The following HECW1 variants were observed in gnomAD, a reference collection of about 807,000 sequenced individuals.
HECW1 encodes HECT, C2 and WW domain containing E3 ubiquitin protein ligase 1.
A neutral mutation model predicts 182.3 loss-of-function variants in HECW1; 61 were observed. That is an observed-to-expected ratio of 0.33 (90% CI 0.27 to 0.41). The LOEUF (loss-of-function observed/expected upper bound fraction) is 0.41. Among genes scored for constraint, HECW1 ranks in the 10% least tolerant of loss-of-function variants. The pLI, the probability that HECW1 is intolerant of heterozygous loss-of-function variation, is 1.00. For synonymous variants in HECW1, 859 were observed against 832.6 expected (o/e 1.03, Z -0.55); for missense variants, 1,739 against 2,108.9 (o/e 0.82, Z 3.44).
In HECW1 at chr7:43,206,554, C is replaced by T. The variant is rs114597662; in HGVS notation, c.-31-37321C>T. Among the ~76,000 whole-genome samples, 586 of 152,210 alleles carry T rather than the reference C, an allele frequency of 3.8e-3. 2 individuals are homozygous for T. Among genetic ancestry groups the T allele is most frequent in the African/African-American group, 0.014 (562 of 41,532 alleles). ...TGGTTAACTTTCATTTTTTAAGAGG[C>T]GTAATTAACTTTATGAACACTGAAG... On this transcript the variant is annotated intron_variant, in intron 2 of 29. Transcript: ENST00000395891.
At chr7:43,377,364 A>C (rs1039037023) in intron 6 of HECW1, among the ~76,000 whole-genome samples, 3 of 152,170 alleles carry the variant, frequency 2.0e-5, no homozygotes, top group African/African-American at 7.2e-5. Flanking sequence ...GACTAACCCA[A>C]GGAGCAAAGC....
At chr7:43,525,525 C>T (rs973138075) in intron 24 of HECW1, among the ~76,000 whole-genome samples, 5 of 151,940 alleles carry the variant, frequency 3.3e-5, no homozygotes, top group African/African-American at 1.2e-4. Context: ...AGGGGTGGGC[C>T]CATTGTAAAC....
intron 29 of HECW1, 145 bp from the exon 30 acceptor site, chr7:43,561,670 A>G: frequency 5.0e-6 from 3 of 596,052 alleles, no homozygotes; most frequent in Non-Finnish European, 9.1e-6. Flanking sequence ...GTGGCTCTTT[A>G]GTGTGCAATG....
chr7:43,166,925 C>T (rs149820517), intron 2 of HECW1, among the ~76,000 whole-genome samples: 25 of 152,306 alleles, frequency 1.6e-4, no homozygotes, highest in African/African-American at 4.6e-4. Flanking sequence ...TGGATGACCC[C>T]GTGTGCCAGG....
chr7:43,496,193 T>C (rs893041438), intron 19 of HECW1, among the ~76,000 whole-genome samples: 1 of 150,764 alleles, frequency 6.6e-6, no homozygotes, highest in Non-Finnish European at 1.5e-5. Flanking sequence ...AACTTGGAAA[T>C]TATCTAGTAT....
chr7:43,401,815 C>T (rs564506559), intron 7 of HECW1, among the ~76,000 whole-genome samples: 12 of 151,924 alleles, frequency 7.9e-5, no homozygotes, highest in Admixed American at 4.6e-4. Context: ...TGGGAACAGG[C>T]GTTCCTGTTT....
chr7:43,476,467 CA>C lies in HECW1; in HGVS notation c.3100-3139del, dbSNP rs199872424. On this transcript the variant is annotated intron_variant, in intron 16 of 29. Coordinates refer to ENST00000395891, the MANE Select transcript of HECW1 (RefSeq NM_015052.5). ...TTTGCAGTCTCAAAGTGATTCTAAA[CA>C]AAATCCCAATAGAACTATTTTTGGA... 5.5e-4 allele frequency among the ~76,000 whole-genome samples: 84 copies of C among 152,142 alleles called. 2 individuals carry two copies. The East Asian group carries it at 0.012, about 22-fold the overall frequency.
Position 43,444,584 on chromosome 7 carries a change from T to A in HECW1, c.1412T>A (p.Leu471Gln). 6.2e-7 allele frequency: 1 copy of A among 1,611,066 alleles called. No individual in the cohort carries two copies. Among genetic ancestry groups the A allele is most frequent in the Non-Finnish European group, 8.5e-7 (1 of 1,178,888 alleles). Residue 471 changes from leucine to glutamine, a missense_variant, in exon 11 of 30, where the codon CTG (leucine) becomes CAG (glutamine). Around this residue, in one of 5 missense-constraint regions of HECW1, gnomAD observed 971 missense variants for 1,029.1 expected, o/e 0.94. Coordinates refer to ENST00000395891, the MANE Select transcript of HECW1 (RefSeq NM_015052.5). The surrounding 1 kb of genome is among the most constrained non-coding windows in gnomAD (Gnocchi z 4.3). ...QLDLGEEASA[L>Q]LLEDGEAPAS... ...GACCTGGGTGAGGAGGCATCAGCAC[T>A]GCTGCTGGAAGACGGTGAAGCCCCA...
intron 24 of HECW1, among the ~76,000 whole-genome samples, chr7:43,516,283 G>A (rs905560363): frequency 6.6e-6 from 1 of 152,192 alleles, no homozygotes; most frequent in Non-Finnish European, 1.5e-5. Context: ...GAGGGAAGAA[G>A]ACAGGCTGGA....
intron 3 of HECW1, among the ~76,000 whole-genome samples, chr7:43,272,969 C>T (rs927579998): frequency 2.6e-5 from 4 of 152,164 alleles, no homozygotes; most frequent in Non-Finnish European, 4.4e-5. Flanking sequence ...TACATATACA[C>T]CATGGAATAC....
chr7:43,488,480 G>GAGAAAGAAAGAAAGAAAAGA (rs2078795424), intron 17 of HECW1, among the ~76,000 whole-genome samples: 5 of 147,670 alleles, frequency 3.4e-5, no homozygotes, highest in African/African-American at 1.3e-4. Flanking sequence ...AAGAAAGAAA[G>GAGAAAGAAAGAAAGAAAAGA]AAAGAAAGAG....
chr7:43,276,190 G>A (rs1356063902), intron 3 of HECW1, among the ~76,000 whole-genome samples: 2 of 152,088 alleles, frequency 1.3e-5, no homozygotes, highest in Admixed American at 6.5e-5. Flanking sequence ...ACTATGCCAG[G>A]GACAGTTTAT....
At chr7:43,204,441 G>A (rs539396718) in intron 2 of HECW1, among the ~76,000 whole-genome samples, 2 of 152,238 alleles carry the variant, frequency 1.3e-5, no homozygotes, top group Non-Finnish European at 2.9e-5. Flanking sequence ...CTATCAGAGT[G>A]CAAATCAAGT....
At chr7:43,481,168 A>C (rs1250235899) in intron 17 of HECW1, among the ~76,000 whole-genome samples, 1 of 152,208 alleles carries the variant, frequency 6.6e-6, no homozygotes, top group Non-Finnish European at 1.5e-5. Flanking sequence ...AGACGTGTTC[A>C]CAGACTACAG....
At chr7:43,266,051 T>C (rs1319055174) in intron 3 of HECW1, among the ~76,000 whole-genome samples, 1 of 152,150 alleles carries the variant, frequency 6.6e-6, no homozygotes, top group East Asian at 1.9e-4. Flanking sequence ...TTTAGGGTTT[T>C]TTATGGAGGC....
chr7:43,403,791 AAG>A (rs1187392270), intron 7 of HECW1, among the ~76,000 whole-genome samples: 2 of 152,212 alleles, frequency 1.3e-5, no homozygotes, highest in Non-Finnish European at 2.9e-5. Flanking sequence ...AGGTTTGGCA[AAG>A]GTTGCCACTG....
At chr7:43,493,058 C>T in intron 18 of HECW1, 26 bp from the exon 19 acceptor site, 1 of 1,541,712 alleles carries the variant, frequency 6.5e-7, no homozygotes, top group Non-Finnish European at 9.0e-7. Context: ...CAGACTCAAC[C>T]ACAACTGTGC....
chr7:43,294,115 G>T (rs998994519), intron 3 of HECW1, among the ~76,000 whole-genome samples: 1 of 152,184 alleles, frequency 6.6e-6, no homozygotes, highest in Non-Finnish European at 1.5e-5. Context: ...GACCGCTGCT[G>T]CAGGGGCAAA....
At chr7:43,229,306 G>A (rs997096708) in intron 2 of HECW1, among the ~76,000 whole-genome samples, 1 of 152,076 alleles carries the variant, frequency 6.6e-6, no homozygotes, top group Non-Finnish European at 1.5e-5. Flanking sequence ...TTTCTTAAAC[G>A]ATAGAATTCA....
Sources: gnomAD v4.1 joint callset for allele counts (sites outside exome capture counted in the v4.1 genomes callset) on GRCh38, gnomAD v4.1.1 for gene constraint, gnomAD v4.1.1 regional missense constraint, Gnocchi (gnomAD v3.1) non-coding constraint, MANE v1.5 for transcripts, NCBI Gene and HGNC (gene_info 2026-07-23, HGNC 2026-07-21) for gene names.